CLCA1: variants seen among roughly 807,000 people sequenced by gnomAD.
The protein encoded by CLCA1 is chloride channel accessory 1, also known as calcium-activated chloride channel regulator 1.
A neutral mutation model predicts 85.6 loss-of-function variants in CLCA1; 59 were observed. That is an observed-to-expected ratio of 0.69 (90% CI 0.56 to 0.86). The LOEUF (loss-of-function observed/expected upper bound fraction) is 0.86, where lower values mean the gene tolerates loss of function less well. Among genes scored for constraint, CLCA1 ranks in the 40% least tolerant of loss-of-function variants. The pLI, the probability that CLCA1 is intolerant of heterozygous loss-of-function variation, is 0.00. For synonymous variants in CLCA1, 396 were observed against 398.3 expected (o/e 0.99, Z 0.07); for missense variants, 1,022 against 1,101.4 (o/e 0.93, Z 1.02).
chr1:86,484,397 A>C (rs554402626), intron 5 of CLCA1, among the ~76,000 whole-genome samples: 18 of 152,306 alleles, frequency 1.2e-4, no homozygotes, highest in African/African-American at 4.1e-4. Flanking sequence ...AAAGGCTGGC[A>C]AGTTTGGGAA....
chr1:86,474,532 C>A (rs1382064960), intron 3 of CLCA1, among the ~76,000 whole-genome samples: 4 of 145,064 alleles, frequency 2.8e-5, no homozygotes, highest in African/African-American at 1.0e-4. Context: ...CCAGCCTGGG[C>A]GACAGAGCGA....
At chr1:86,475,809 TG>T (rs1196148195) in intron 3 of CLCA1, among the ~76,000 whole-genome samples, 1 of 151,426 alleles carries the variant, frequency 6.6e-6, no homozygotes, top group Non-Finnish European at 1.5e-5. Flanking sequence ...GGGAAGGGAG[TG>T]GAGAACAGCA....
At chr1:86,489,837 T>G (rs955192170) in intron 8 of CLCA1, among the ~76,000 whole-genome samples, 2 of 152,200 alleles carry the variant, frequency 1.3e-5, no homozygotes, top group African/African-American at 4.8e-5. Context: ...ATTATTATAC[T>G]GAGTTGCCTT....
At chr1:86,489,942 C>T (rs1374402484) in intron 8 of CLCA1, among the ~76,000 whole-genome samples, 1 of 152,046 alleles carries the variant, frequency 6.6e-6, no homozygotes, top group African/African-American at 2.4e-5. Context: ...GGATTTGGGT[C>T]CATGCAATTT....
intron 7 of CLCA1, among the ~76,000 whole-genome samples, chr1:86,487,918 T>C (rs993501542): frequency 7.9e-5 from 12 of 152,198 alleles, no homozygotes; most frequent in South Asian, 2.1e-4. Context: ...AAAATCCAAA[T>C]TGGGCCTCTC....
chr1:86,480,904 G>T (rs1392284451), intron 4 of CLCA1, among the ~76,000 whole-genome samples: 1 of 152,172 alleles, frequency 6.6e-6, no homozygotes, highest in African/African-American at 2.4e-5. Context: ...TGATAGAGCA[G>T]CTGTATCAAC....
chr1:86,494,715 C>G (rs1211460284), intron 11 of CLCA1, among the ~76,000 whole-genome samples: 1 of 152,046 alleles, frequency 6.6e-6, no homozygotes, highest in Non-Finnish European at 1.5e-5. Flanking sequence ...ATTCCACAAC[C>G]CCCAAAAAAG....
chr1:86,482,292 A>T lies in CLCA1; in HGVS notation c.645A>T (p.Val215=), dbSNP rs1321694. Residue 215 remains valine, a synonymous_variant, in exon 5 of 14, where the codon GTA becomes GTT. Coordinates refer to ENST00000394711, the MANE Select transcript of CLCA1 (RefSeq NM_001285.4). The part of the protein sequence containing the change: ...CYTKRCTFNK[V]TGLYEKGCEF... ...CCAAAAGATGCACATTCAATAAAGT[A>T]ACAGGACTCTATGAAAAAGGATGTG... is the stretch of plus-strand genomic sequence containing the variant. 0.35 allele frequency: 571,547 copies of T among 1,613,306 alleles called. 103,029 individuals carry two copies. Among genetic ancestry groups the T allele is most frequent in the East Asian group, 0.46 (20,518 of 44,864 alleles).
chr1:86,473,626 A>G (rs1647560730), intron 2 of CLCA1, 69 bp downstream of exon 2: 3 of 1,488,622 alleles, frequency 2.0e-6, no homozygotes, highest in Non-Finnish European at 1.8e-6. Context: ...AAATCAAAAT[A>G]TTCTAGAATC....
chr1:86,476,425 T>C (rs1240584690), intron 3 of CLCA1, 23 bp from the exon 4 acceptor site: 5 of 1,283,498 alleles, frequency 3.9e-6, no homozygotes, highest in Admixed American at 3.5e-5. Context: ...TTGTAATCAG[T>C]TTTTTAAAAT....
Position 86,491,362 on chromosome 1 carries a change from C to G in CLCA1, c.1455C>G (p.Arg485=). ...CAGGAAATGGAGCTGTCTCTCAGCG[C>G]TCCATCCAGGTTGGAGTTCTTAATC... The part of the protein sequence containing the change: ...LSSGNGAVSQ[R]SIQLESKGLT... Residue 485 remains arginine (R), a synonymous_variant, in exon 9 of 14, where the codon CGC becomes CGG. Coordinates refer to ENST00000394711, the MANE Select transcript of CLCA1 (RefSeq NM_001285.4). The G allele has an allele frequency of 6.2e-7, 1 of 1,610,018 alleles. No individual in the cohort carries two copies. Among genetic ancestry groups the G allele is most frequent in the Non-Finnish European group, 8.5e-7 (1 of 1,176,706 alleles).
chr1:86,498,755 G>T lies in CLCA1; in HGVS notation c.2297G>T (p.Gly766Val). ...GACCTGAAGGCGGAAATTCACGGGG[G>T]CAGTCTCATTAATCTGACTTGGACA... ...ITDLKAEIHG[G>V]SLINLTWTAP... Residue 766 changes from glycine (G) to valine (V), a missense_variant, in exon 13 of 14, where the codon GGC becomes GTC. Transcript: ENST00000394711. 1 of 1,614,100 alleles carries T rather than the reference G, an allele frequency of 6.2e-7. No homozygotes were observed. The highest frequency in any genetic ancestry group is 1.1e-5 in the South Asian group (1 of 91,066).
chr1:86,482,141 GC>G, intron 4 of CLCA1, 63 bp from the exon 5 acceptor site: 2 of 1,255,454 alleles, frequency 1.6e-6, no homozygotes, highest in South Asian at 2.7e-5. Context: ...CAGAAACTGA[GC>G]ATAGACTCTG....
In CLCA1 at chr1:86,494,352, C is replaced by T. The variant is rs1224329570; in HGVS notation, c.1846C>T (p.Gln616Ter). ...TCTGGTAGTTTATGCAAATATTCGC[C>T]AAGGAGCCTCCCCAATTCTCAGGGC... Reference protein sequence around the residue: ...SPLVVYANIRQGASPILRASV... With the variant: ...SPLVVYANIR Residue 616 changes from glutamine to a stop codon, truncating the protein, a stop_gained, in exon 11 of 14, where the codon CAA (glutamine) becomes TAA (stop). Coordinates refer to ENST00000394711, the MANE Select transcript of CLCA1 (RefSeq NM_001285.4). LOFTEE classifies it high-confidence loss of function. The T allele has an allele frequency of 6.2e-7, 1 of 1,614,160 alleles. No homozygotes were observed. Among genetic ancestry groups the T allele is most frequent in the Non-Finnish European group, 8.5e-7 (1 of 1,180,018 alleles).
chr1:86,471,552 G>A (rs5744312), intron 1 of CLCA1, among the ~76,000 whole-genome samples: 2,532 of 152,136 alleles, frequency 0.017, 89 homozygotes, highest in African/African-American at 0.059. Flanking sequence ...ATTCTTCCTG[G>A]GAGACATTGG....
At chr1:86,491,181 T>C (rs1648125264) in intron 8 of CLCA1, 84 bp from the exon 9 acceptor site, 1 of 872,478 alleles carries the variant, frequency 1.1e-6, no homozygotes, top group Non-Finnish European at 1.9e-6. Flanking sequence ...GATATTTATA[T>C]TGTATGCTCT....
chr1:86,498,426 C>A (rs548763576), intron 12 of CLCA1, 146 bp from the exon 13 acceptor site: 17 of 716,642 alleles, frequency 2.4e-5, no homozygotes, highest in Non-Finnish European at 3.7e-5. Context: ...GTGGTCTTGT[C>A]TCCAAATATT....
At chr1:86,472,537 C>G (rs1404127442) in intron 1 of CLCA1, among the ~76,000 whole-genome samples, 3 of 152,176 alleles carry the variant, frequency 2.0e-5, no homozygotes, top group Non-Finnish European at 4.4e-5. Flanking sequence ...TCAGTCCTAA[C>G]AGATACACTG....
chr1:86,474,702 C>G (rs1203606526), intron 3 of CLCA1, among the ~76,000 whole-genome samples: 2 of 152,152 alleles, frequency 1.3e-5, no homozygotes, highest in African/African-American at 4.8e-5. Context: ...TGCAATTCAT[C>G]TCTCAAAAAC....
Sources: gnomAD v4.1 joint callset for allele counts (sites outside exome capture counted in the v4.1 genomes callset) on GRCh38, gnomAD v4.1.1 for gene constraint, MANE v1.5 for transcripts, NCBI Gene and HGNC (gene_info 2026-07-23, HGNC 2026-07-21) for gene names.